The following TFEC variants were observed in gnomAD, a reference collection of about 807,000 sequenced individuals.
The protein encoded by TFEC is class E basic helix-loop-helix protein 34.
In TFEC, 31 loss-of-function variants were observed where a neutral mutation model predicts 41.6. The ratio of observed to expected loss-of-function variants is 0.74; its 90% CI spans 0.56 to 1.01. TFEC has a LOEUF of 1.01. Among genes scored for constraint, TFEC ranks in the 50% least tolerant of loss-of-function variants. The probability of loss-of-function intolerance (pLI) is 0.00; values close to 1 mark genes in which losing one functional copy is unlikely to be tolerated. For missense variants in TFEC, 402 were observed against 404.1 expected, an observed-to-expected ratio of 0.99 and a Z score of 0.04; for synonymous variants, 143 against 140.6, an observed-to-expected ratio of 1.02 and a Z score of -0.12.
In TFEC at chr7:115,958,931, G is replaced by A. The variant is rs530148748; in HGVS notation, c.268-2138C>T. On this transcript the variant is annotated intron_variant, in intron 3 of 7. Coordinates refer to ENST00000265440, the MANE Select transcript of TFEC (RefSeq NM_012252.4). ...CTAAAGTGCATTTTCTCCATTAAAA[G>A]ATGTAAGAGTCCAGTGTTAGTGAAA... Among the ~76,000 whole-genome samples the A allele has an allele frequency of 2.6e-5, 4 of 151,882 alleles. No homozygotes were observed. In the South Asian group the frequency reaches 8.3e-4, roughly 32 times the overall value.
intron 3 of TFEC, among the ~76,000 whole-genome samples, chr7:116,046,095 C>A (rs1796156582): frequency 6.6e-6 from 1 of 152,110 alleles, no homozygotes. Flanking sequence ...GGCTTATAGG[C>A]AGAAGGGACT....
In TFEC at chr7:116,110,439, T is replaced by G. The variant is rs896860762; in HGVS notation, c.198+269A>C. Among the ~76,000 whole-genome samples the G allele has an allele frequency of 3.3e-5, 5 of 152,248 alleles. No individual in the cohort carries two copies. The South Asian group carries it at 8.3e-4, about 25-fold the overall frequency. ...TAGTAGTTGTATCATGACAATGATG[T>G]AGATGATAATGATAATAACAGGAAA... is the stretch of plus-strand genomic sequence containing the variant. On this transcript the variant is annotated intron_variant, in intron 3 of 8. Coordinates refer to the TFEC transcript ENST00000484212.
At chr7:116,104,852 T>C (rs1797680937) in intron 3 of TFEC, among the ~76,000 whole-genome samples, 1 of 151,946 alleles carries the variant, frequency 6.6e-6, no homozygotes, top group South Asian at 2.1e-4. Flanking sequence ...CTGGAGGAGA[T>C]GATCAAATCC....
At chr7:116,133,278 G>C (rs1040507461) in intron 1 of TFEC, among the ~76,000 whole-genome samples, 3 of 152,050 alleles carry the variant, frequency 2.0e-5, no homozygotes, top group African/African-American at 7.2e-5. Flanking sequence ...GGCCAGGCAC[G>C]GTGGTTCATG....
intron 1 of TFEC, among the ~76,000 whole-genome samples, chr7:115,984,962 A>C (rs1584638991): frequency 1.3e-5 from 2 of 152,148 alleles, no homozygotes; most frequent in African/African-American, 4.8e-5. Flanking sequence ...AAAAATTATA[A>C]GAGAGCAGGA....
intron 1 of TFEC, among the ~76,000 whole-genome samples, chr7:116,154,958 T>C (rs1049568031): frequency 2.6e-5 from 4 of 152,248 alleles, no homozygotes; most frequent in Non-Finnish European, 5.9e-5. Flanking sequence ...TCTGCCATAC[T>C]ATCCCTTGCC....
chr7:115,956,746 T>G lies in TFEC; in HGVS notation c.315A>C (p.Ser105=), dbSNP rs114719187. Residue 105 remains serine, a synonymous_variant, in exon 4 of 8, where the codon TCA becomes TCC. Coordinates refer to ENST00000265440, the MANE Select transcript of TFEC (RefSeq NM_012252.4). ...LDVYSGEQGI[S]PINMGLTSAS... ...CACTTGTAAGCCCCATGTTAATTGG[T>G]GAAATTCCTTGTTCACCGCTATACA... 2,243 of 1,610,662 alleles carry G rather than the reference T, an allele frequency of 1.4e-3. 29 individuals carry two copies. In the African/African-American group the frequency reaches 0.023, roughly 16 times the overall value.
intron 3 of TFEC, among the ~76,000 whole-genome samples, chr7:116,042,968 T>C (rs1796075772): frequency 6.6e-6 from 1 of 152,158 alleles, no homozygotes; most frequent in South Asian, 2.1e-4. Flanking sequence ...CACAAATACA[T>C]GTACTTTTGT....
At chr7:115,984,597 AT>A (rs1793772740) in intron 1 of TFEC, 84 bp from the exon 2 acceptor site, 1 of 1,471,956 alleles carries the variant, frequency 6.8e-7, no homozygotes, top group Non-Finnish European at 9.2e-7. Context: ...CACTAGGATA[AT>A]AAACACACTA....
chr7:116,134,206 T>A (rs1403221215), intron 1 of TFEC, among the ~76,000 whole-genome samples: 1 of 152,156 alleles, frequency 6.6e-6, no homozygotes, highest in Non-Finnish European at 1.5e-5. Flanking sequence ...AAGTAAATGA[T>A]CTGTGTAAGT....
rs1191566126 is a variant in TFEC at position 115,937,884 on chromosome 7, G to C, written c.*2667C>G. The C allele has an allele frequency of 6.6e-6, 1 of 151,694 alleles. No individual in the cohort carries two copies. Among genetic ancestry groups the C allele is most frequent in the South Asian group, 2.1e-4 (1 of 4,828 alleles). The allele number at this position is 151,694 out of a possible 1,614,324, so 9.4% of individuals were successfully genotyped here. A position where few individuals can be genotyped will look rare whatever the true frequency, so the allele number is the denominator to read the frequency against. ...ATATAAACAGTTCTATACTTTTCTA[G>C]GGAGAGGGTCTATAACTCACTAGAT... On this transcript the variant is annotated 3_prime_UTR_variant, in exon 8 of 8. Coordinates refer to ENST00000265440, the MANE Select transcript of TFEC (RefSeq NM_012252.4).
chr7:116,106,345 GCTGA>G (rs141436309), intron 3 of TFEC, among the ~76,000 whole-genome samples: 16,980 of 152,012 alleles, frequency 0.11, 1,036 homozygotes, highest in African/African-American at 0.17. Flanking sequence ...TAAAGTGTCA[GCTGA>G]CTGATGACTT....
chr7:116,071,059 T>C (rs1796816155), intron 3 of TFEC, among the ~76,000 whole-genome samples: 1 of 151,312 alleles, frequency 6.6e-6, no homozygotes, highest in Admixed American at 6.6e-5. Flanking sequence ...AAATGATAAA[T>C]ACATGCAAAA....
At chr7:116,041,475 A>C (rs1237370660) in intron 3 of TFEC, among the ~76,000 whole-genome samples, 4 of 152,160 alleles carry the variant, frequency 2.6e-5, no homozygotes, top group Non-Finnish European at 5.9e-5. Flanking sequence ...AAAACAAAAA[A>C]CAGGTAATAC....
chr7:116,113,907 A>G (rs1363558615), intron 1 of TFEC, among the ~76,000 whole-genome samples: 3 of 152,056 alleles, frequency 2.0e-5, no homozygotes, highest in Non-Finnish European at 2.9e-5. Flanking sequence ...CACCTGAAGT[A>G]ATAATGTTAA....
chr7:116,072,640 G>T (rs1168114766), intron 3 of TFEC, among the ~76,000 whole-genome samples: 1 of 151,514 alleles, frequency 6.6e-6, no homozygotes, highest in African/African-American at 2.4e-5. Context: ...TATTTAAGTA[G>T]CCTTATAATG....
chr7:116,045,798 G>C (rs918859768), intron 3 of TFEC, among the ~76,000 whole-genome samples: 1 of 152,196 alleles, frequency 6.6e-6, no homozygotes, highest in Admixed American at 6.5e-5. Flanking sequence ...AATGCCAGCC[G>C]GTGAAAGCAG....
chr7:115,961,676 T>C (rs1451297882), intron 3 of TFEC, among the ~76,000 whole-genome samples: 2 of 151,592 alleles, frequency 1.3e-5, no homozygotes, highest in Non-Finnish European at 3.0e-5. Context: ...ATGAATAACA[T>C]TTCAAATGAA....
At chr7:115,974,008 A>G (rs1793253370) in intron 3 of TFEC, among the ~76,000 whole-genome samples, 162 bp downstream of exon 3, 1 of 152,020 alleles carries the variant, frequency 6.6e-6, no homozygotes. Context: ...CAACCATTAG[A>G]TAACCTTTTT....
Sources: gnomAD v4.1 joint callset for allele counts (sites outside exome capture counted in the v4.1 genomes callset) on GRCh38, gnomAD v4.1.1 for gene constraint, MANE v1.5 for transcripts, NCBI Gene and HGNC (gene_info 2026-07-23, HGNC 2026-07-21) for gene names.